Variants in PPM1A observed in about 807,000 individuals in gnomAD.
PPM1A encodes the protein protein phosphatase 1A.
Under a neutral mutation model 35.0 loss-of-function variants are expected in PPM1A, and 7 were observed. The ratio of observed to expected loss-of-function variants is 0.20; its 90% confidence interval spans 0.11 to 0.38. The LOEUF (loss-of-function observed/expected upper bound fraction) is 0.38, where lower values mean the gene tolerates loss of function less well. Among genes scored for constraint, PPM1A ranks in the 10% least tolerant of loss-of-function variants. The pLI, the probability that PPM1A is intolerant of heterozygous loss-of-function variation, is 1.00. For missense variants in PPM1A, 239 were observed against 467.8 expected (o/e 0.51, Z 4.51); for synonymous variants, 153 against 167.3 (o/e 0.91, Z 0.66).
chr14:60,255,223 G>C (rs1358773747), intron 1 of PPM1A, among the ~76,000 whole-genome samples: 1 of 141,408 alleles, frequency 7.1e-6, no homozygotes, highest in African/African-American at 2.9e-5. Flanking sequence ...CCAGGCTGGA[G>C]TGCAGTGGCG....
At position 60,282,593 on chromosome 14, in the gene PPM1A, C is replaced by G; in HGVS notation, c.-20-91C>G. 1 of 1,462,108 alleles carries G rather than the reference C, an allele frequency of 6.8e-7. No individual in the cohort carries two copies. The highest frequency in any genetic ancestry group is 9.2e-7 in the Non-Finnish European group (1 of 1,084,062). 90.6% of individuals were successfully genotyped at this position (1,462,108 alleles called of 1,614,324 possible). A position where few individuals can be genotyped will look rare whatever the true frequency, so the allele number is the denominator to read the frequency against. ...CTGCTTATCGCGAGTTGTGAATTCCCGCATATCTCTTTCACTTATTAAAAA... is the reference window on the plus strand; with the variant it reads ...CTGCTTATCGCGAGTTGTGAATTCCGGCATATCTCTTTCACTTATTAAAAA... On this transcript the variant is annotated intron_variant, in intron 1 of 5. Coordinates refer to ENST00000395076, the MANE Select transcript of PPM1A (RefSeq NM_021003.5). The surrounding 1 kb of genome is among the most constrained non-coding windows in gnomAD (Gnocchi z 5.1).
chr14:60,275,844 CT>C (rs531960264), intron 1 of PPM1A, among the ~76,000 whole-genome samples: 12,984 of 130,358 alleles, frequency 0.1, 661 homozygotes, highest in African/African-American at 0.13. Flanking sequence ...AAAGATTAGC[CT>C]TTTTTTTTTT....
At chr14:60,253,076 C>T (rs548649925) in intron 1 of PPM1A, among the ~76,000 whole-genome samples, 1 of 152,204 alleles carries the variant, frequency 6.6e-6, no homozygotes, top group East Asian at 1.9e-4. Context: ...GACTCTTATA[C>T]AGTTTTTATA....
intron 1 of PPM1A, among the ~76,000 whole-genome samples, chr14:60,257,550 T>A (rs1451841664): frequency 6.6e-6 from 1 of 152,202 alleles, no homozygotes; most frequent in East Asian, 1.9e-4. Context: ...GTAAACATTC[T>A]TTTTTTAGTT....
rs1887797612 is a variant in PPM1A at position 60,293,136 on chromosome 14, T to C, written c.*654T>C. The C allele has an allele frequency of 1.3e-5, 2 of 152,058 alleles. No homozygotes were observed. The highest frequency in any genetic ancestry group is 6.6e-5 in the Admixed American group (1 of 15,248). The allele number at this position is 152,058 out of a possible 1,614,324, so 9.4% of individuals were successfully genotyped here. A position where few individuals can be genotyped will look rare whatever the true frequency, so the allele number is the denominator to read the frequency against. On this transcript the variant is annotated 3_prime_UTR_variant, in exon 6 of 6. Coordinates refer to ENST00000395076, the MANE Select transcript of PPM1A (RefSeq NM_021003.5). This position sits in a 1 kb window ranked among gnomAD's most constrained non-coding sequence, Gnocchi z 4.0. ...ATGAGTATTGCAGGTAATAATACAG[T>C]GTATTCATAAGAATCTCAATCTTGG...
Position 60,285,719 on chromosome 14 carries a change from G to T in PPM1A, c.930G>T (p.Lys310Asn). 6.2e-7 allele frequency: 1 copy of T among 1,613,980 alleles called. No individual in the cohort carries two copies. ...TGAAGAAGGAGGCAGAGTTGGACAA[G>T]TACCTGGAATGCAGAGTAGAAGGTG... ...EAVKKEAELD[K>N]YLECRVEEII... is the part of the protein sequence containing the mutation. Residue 310 changes from lysine (K) to asparagine (N), a missense_variant, in exon 3 of 6, where the codon AAG becomes AAT. Around this residue, in one of 2 missense-constraint regions of PPM1A, gnomAD observed 175 missense variants for 389.2 expected, o/e 0.45. Coordinates refer to ENST00000395076, the MANE Select transcript of PPM1A (RefSeq NM_021003.5).
intron 1 of PPM1A, among the ~76,000 whole-genome samples, chr14:60,252,927 G>A (rs1882615716): frequency 6.6e-6 from 1 of 152,122 alleles, no homozygotes; most frequent in Non-Finnish European, 1.5e-5. Context: ...TTCTTTTGCT[G>A]AGGCAGGTCA....
intron 1 of PPM1A, among the ~76,000 whole-genome samples, chr14:60,252,385 G>A (rs1882536013): frequency 6.6e-6 from 1 of 152,310 alleles, no homozygotes; most frequent in Non-Finnish European, 1.5e-5. Context: ...CTCTGAGTCA[G>A]TATACTCTTG....
chr14:60,291,550 TTC>T, intron 5 of PPM1A, 96 bp downstream of exon 5: 1 of 965,150 alleles, frequency 1.0e-6, no homozygotes, highest in Non-Finnish European at 1.5e-6. Flanking sequence ...ACTGTACCCA[TTC>T]TCTTACACAC....
At chr14:60,258,111 A>G (rs7153986) in intron 1 of PPM1A, among the ~76,000 whole-genome samples, 3,093 of 151,948 alleles carry the variant, frequency 0.02, 113 homozygotes, top group African/African-American at 0.07. Context: ...TTCTTGATAC[A>G]GTAAGCAGGT....
intron 2 of PPM1A, among the ~76,000 whole-genome samples, chr14:60,284,427 G>A (rs1406812870): frequency 1.3e-5 from 2 of 152,094 alleles, no homozygotes; most frequent in African/African-American, 4.8e-5. Context: ...GGATCACGAG[G>A]TCAGGAGATC....
Position 60,285,515 on chromosome 14 carries a change from A to G in PPM1A, c.835-109A>G, listed in dbSNP as rs1886918191. 5.0e-6 allele frequency: 6 copies of G among 1,211,378 alleles called. No individual in the cohort carries two copies. In the African/African-American group the frequency reaches 6.2e-5, roughly 12 times the overall value. The allele number at this position is 1,211,378 out of a possible 1,614,324, so 75.0% of individuals were successfully genotyped here. On this transcript the variant is annotated intron_variant, in intron 2 of 5. Coordinates refer to ENST00000395076, the MANE Select transcript of PPM1A (RefSeq NM_021003.5). ...ATGTATTTTTTTCTCCCTGAAAGTA[A>G]CATTTTCACTAGAACAAGTATAACT...
upstream of PPM1A, chr14:60,245,961 G>C: frequency 6.3e-7 from 1 of 1,577,676 alleles, no homozygotes; most frequent in Non-Finnish European, 8.6e-7. This position sits in a 1 kb window ranked among gnomAD's most constrained non-coding sequence, Gnocchi z 4.2. Flanking sequence ...AAAGAGAAGA[G>C]AAGAAAAAGG....
At chr14:60,262,490 C>A (rs1157985419) in intron 1 of PPM1A, among the ~76,000 whole-genome samples, 1 of 152,062 alleles carries the variant, frequency 6.6e-6, no homozygotes, top group Admixed American at 6.5e-5. Context: ...TTGAGACCAG[C>A]CAGGGCAACA....
Position 60,254,536 on chromosome 14 carries a change from C to T in PPM1A, c.-21+4859C>T, listed in dbSNP as rs188258521. On this transcript the variant is annotated intron_variant, in intron 1 of 5. Transcript: ENST00000395076. ...GATATCATTGCTACAGGAAAGGATG[C>T]AAAAGAGTAAGGAAACTAAATCATT... 3.3e-3 allele frequency among the ~76,000 whole-genome samples: 505 copies of T among 152,204 alleles called. 2 individuals carry two copies. Among genetic ancestry groups the T allele is most frequent in the Middle Eastern group, 6.8e-3 (2 of 294 alleles).
At chr14:60,251,302 GATA>G (rs1882386993) in intron 1 of PPM1A, among the ~76,000 whole-genome samples, 1 of 152,238 alleles carries the variant, frequency 6.6e-6, no homozygotes, top group Non-Finnish European at 1.5e-5. Flanking sequence ...TATTAAGACT[GATA>G]ATGTTTGAAG....
rs1885418197 is a variant in PPM1A at position 60,273,647 on chromosome 14, G to C, written c.-20-9037G>C. 6.6e-6 allele frequency among the ~76,000 whole-genome samples: 1 copy of C among 152,176 alleles called. No homozygotes were observed. The highest frequency in any genetic ancestry group is 1.5e-5 in the Non-Finnish European group (1 of 68,032). ...AGTTTGGAGAATGAATTAGAGGGAT[G>C]CCAGGATCCACGTGAAGAGACTAAA... On this transcript the variant is annotated intron_variant, in intron 1 of 5. Coordinates refer to ENST00000395076, the MANE Select transcript of PPM1A (RefSeq NM_021003.5). This position sits in a 1 kb window ranked among gnomAD's most constrained non-coding sequence, Gnocchi z 4.3.
At chr14:60,264,024 T>G (rs1462510140) in intron 1 of PPM1A, among the ~76,000 whole-genome samples, 1 of 152,090 alleles carries the variant, frequency 6.6e-6, no homozygotes, top group Non-Finnish European at 1.5e-5. Context: ...AATTAGCCAG[T>G]ATTTTTACCA....
chr14:60,261,932 A>T (rs1186227042), intron 1 of PPM1A, among the ~76,000 whole-genome samples: 2 of 152,308 alleles, frequency 1.3e-5, no homozygotes, highest in Non-Finnish European at 2.9e-5. Flanking sequence ...GGGAATACAC[A>T]CTGTTAGACT....
Sources: allele counts gnomAD v4.1 joint callset (sites outside exome capture counted in the v4.1 genomes callset), GRCh38; gene constraint gnomAD v4.1.1; regional missense constraint gnomAD v4.1.1; non-coding constraint Gnocchi (gnomAD v3.1); transcripts MANE v1.5; gene names NCBI Gene and HGNC (gene_info 2026-07-23, HGNC 2026-07-21).